Variants in KRT83 observed in about 807,000 individuals in gnomAD.
KRT83 encodes keratin, type II cuticular Hb3.
KRT83 carries 51 observed loss-of-function variants against 52.9 expected under a neutral mutation model. The ratio of observed to expected loss-of-function variants is 0.96; its 90% CI spans 0.77 to 1.22. KRT83 has a LOEUF of 1.22. Ranked by LOEUF, KRT83 falls within the 50% of genes most tolerant of loss-of-function variation. The pLI is 0.00. For missense variants in KRT83, 654 were observed against 666.5 expected (o/e 0.98, Z 0.21); for synonymous variants, 278 against 274.1 (o/e 1.01, Z -0.14).
intron 1 of KRT83, among the ~76,000 whole-genome samples, chr12:52,319,997 G>T (rs4237898): frequency 0.38 from 57,658 of 151,932 alleles, 11,456 homozygotes; most frequent in African/African-American, 0.48. Flanking sequence ...GATCTTCTGC[G>T]CTGCAGGGGG....
At chr12:52,315,462 T>G (rs1480493153) in intron 7 of KRT83, 119 bp from the exon 8 acceptor site, 2 of 1,085,016 alleles carry the variant, frequency 1.8e-6, no homozygotes, top group African/African-American at 3.1e-5. Context: ...ATTTATTCCC[T>G]TGTGCAGCTT....
chr12:52,317,801 AGGCC>A (rs779923045), intron 3 of KRT83, 25 bp from the exon 4 acceptor site: 7 of 1,613,620 alleles, frequency 4.3e-6, no homozygotes, highest in Non-Finnish European at 5.9e-6. Flanking sequence ...AGGGGCTGTG[AGGCC>A]GGCTTTCCTC....
Position 52,317,971 on chromosome 12 carries a change from C to T in KRT83, c.594-1G>A, listed in dbSNP as rs758786488. On this transcript the variant is annotated splice_acceptor_variant, in intron 2 of 8. Coordinates refer to ENST00000293670, the MANE Select transcript of KRT83 (RefSeq NM_002282.3). LOFTEE classifies it high-confidence loss of function. ...TCGAAGTGCTACTTCTTCTTCATAC[C>T]TGAGGTGAGCAGGGAGAACAGGACC... The T allele has an allele frequency of 6.2e-6, 10 of 1,613,726 alleles. No individual in the cohort carries two copies. In the Admixed American group the frequency reaches 1.3e-4, roughly 22 times the overall value.
chr12:52,314,326 G>A lies in KRT83; in HGVS notation c.*305C>T, dbSNP rs1938651673. The A allele has an allele frequency of 2.1e-6, 1 of 481,962 alleles. No individual in the cohort carries two copies. The highest frequency in any genetic ancestry group is 2.1e-5 in the South Asian group (1 of 46,712). The allele number at this position is 481,962 out of a possible 1,614,324, so 29.9% of individuals were successfully genotyped here. A position where few individuals can be genotyped will look rare whatever the true frequency, so the allele number is the denominator to read the frequency against. ...GCAGGTCCCCAAGTTTATTGGAAAA[G>A]GGGAGACAAGAGGCCAGAGAGGCAG... On this transcript the variant is annotated 3_prime_UTR_variant, in exon 9 of 9. Coordinates refer to ENST00000293670, the MANE Select transcript of KRT83 (RefSeq NM_002282.3).
chr12:52,317,393 G>T (rs1415086732), intron 4 of KRT83, among the ~76,000 whole-genome samples: 1 of 152,226 alleles, frequency 6.6e-6, no homozygotes, highest in African/African-American at 2.4e-5. Flanking sequence ...TTGATGCTGT[G>T]TGGGGTCTAT....
intron 2 of KRT83, 139 bp from the exon 3 acceptor site, chr12:52,318,109 G>T: frequency 1.3e-6 from 1 of 792,120 alleles, no homozygotes; most frequent in Non-Finnish European, 2.2e-6. Context: ...GGCTCTGCAG[G>T]AACCAGGCTG....
chr12:52,316,673 T>A, intron 5 of KRT83, 80 bp from the exon 6 acceptor site: 2 of 1,610,574 alleles, frequency 1.2e-6, no homozygotes, highest in Non-Finnish European at 1.7e-6. Context: ...TTGCACAGAT[T>A]GTGCAGTGCT....
Position 52,315,358 on chromosome 12 carries a change from A to C in KRT83, c.1263-15T>G. 1 of 1,613,326 alleles carries C rather than the reference A, an allele frequency of 6.2e-7. No individual in the cohort carries two copies. The highest frequency in any genetic ancestry group is 8.5e-7 in the Non-Finnish European group (1 of 1,179,390). On this transcript the variant is annotated splice_polypyrimidine_tract_variant and intron_variant, in intron 7 of 8. Transcript: ENST00000293670. ...CTTCACACAGCCTGAGTGGGGAAAA[A>C]GTAAGGAAGGGGAAGATAAAAGAAG...
chr12:52,319,302 G>T lies in KRT83; in HGVS notation c.447C>A (p.Arg149=), dbSNP rs754532821. 1 of 1,614,010 alleles carries T rather than the reference G, an allele frequency of 6.2e-7. No individual in the cohort carries two copies. The highest frequency in any genetic ancestry group is 8.5e-7 in the Non-Finnish European group (1 of 1,179,864). The change falls in exon 2 of 9, where the codon CGC becomes CGA. Residue 149 remains arginine, a synonymous_variant. Coordinates refer to ENST00000293670, the MANE Select transcript of KRT83 (RefSeq NM_002282.3). ...LETKLQFYQN[R]ECCQSNLEPL... is the part of the protein sequence containing the mutation. ...GCTCCAGGTTACTCTGGCAGCACTC[G>T]CGGTTTTGGTAGAACTGCAGCTTTG...
chr12:52,320,150 C>T (rs1303004402), intron 1 of KRT83, among the ~76,000 whole-genome samples: 1 of 147,064 alleles, frequency 6.8e-6, no homozygotes, highest in African/African-American at 2.6e-5. Flanking sequence ...GTCTCTCATG[C>T]TATTAGAAAT....
chr12:52,319,161 C>T lies in KRT83; in HGVS notation c.588G>A (p.Lys196=). 1 of 1,613,294 alleles carries T rather than the reference C, an allele frequency of 6.2e-7. No individual in the cohort carries two copies. The highest frequency in any genetic ancestry group is 1.1e-5 in the South Asian group (1 of 91,050). ...CCCCTCCTGCCCACACTCACTTCTT[C>T]TTGTAGCCCTCCAGCACCTCCTGCA... ...NHVQEVLEGY[K]KKYEEEVALR... The change falls in exon 2 of 9, where the codon AAG becomes AAA. Residue 196 remains lysine (K), a synonymous_variant. Coordinates refer to ENST00000293670, the MANE Select transcript of KRT83 (RefSeq NM_002282.3).
At chr12:52,318,073 C>G in intron 2 of KRT83, 103 bp from the exon 3 acceptor site, 1 of 1,068,724 alleles carries the variant, frequency 9.4e-7, no homozygotes, top group Non-Finnish European at 1.4e-6. Flanking sequence ...CCCTGCTTGT[C>G]TCCTGCCCCC....
intron 7 of KRT83, among the ~76,000 whole-genome samples, chr12:52,315,681 G>A (rs1230427967): frequency 6.6e-6 from 1 of 152,222 alleles, no homozygotes; most frequent in Admixed American, 6.5e-5. Flanking sequence ...CAGGGGTGGA[G>A]TTTGGCCAGC....
At position 52,314,653 on chromosome 12, in the gene KRT83, G is replaced by A. The variant is rs765607233; in HGVS notation, c.1460C>T (p.Ser487Phe). 28 of 1,573,128 alleles carry A rather than the reference G, an allele frequency of 1.8e-5. No individual in the cohort carries two copies. The highest frequency in any genetic ancestry group is 5.5e-5 in the Admixed American group (3 of 54,100). ...GQLNTTCGGG[S>F]CGQGRH The stretch of plus-strand genomic sequence containing the variant: ...CACTTAATGCCTCCCCTGGCCGCAG[G>A]AGCCCCCTCCACAGGTGGTGTTCAG... The change falls in exon 9 of 9, where the codon TCC (serine) becomes TTC (phenylalanine). Residue 487 changes from serine to phenylalanine, a missense_variant. By Grantham distance (155) the Ser-to-Phe change is radical (BLOSUM62 -2). Transcript: ENST00000293670.
In KRT83 at chr12:52,321,260, G is replaced by C. The variant is rs1296552196; in HGVS notation, c.76C>G (p.Arg26Gly). The change falls in exon 1 of 9, where the codon CGG becomes GGG. Residue 26 changes from arginine to glycine, a missense_variant. Arg to Gly is a moderately radical substitution (Grantham distance 125). Transcript: ENST00000293670. Reference protein sequence around the residue: ...NFSCVSACGPRPSRCCITAAP... With the variant: ...NFSCVSACGPGPSRCCITAAP... ...GCGGTGATGCAGCAGCGGCTTGGCC[G>C]GGGCCCGCAGGCAGAGACACAGCTG... 4.6e-5 allele frequency: 74 copies of C among 1,613,414 alleles called. No homozygotes were observed. Among genetic ancestry groups the C allele is most frequent in the Non-Finnish European group, 6.3e-5 (74 of 1,179,936 alleles).
chr12:52,314,302 C>A lies in KRT83; in HGVS notation c.*329G>T. On this transcript the variant is annotated 3_prime_UTR_variant, in exon 9 of 9. Coordinates refer to ENST00000293670, the MANE Select transcript of KRT83 (RefSeq NM_002282.3). ...AAGCAAGACATTGCAGCACACAAAG[C>A]AGGTCCCCAAGTTTATTGGAAAAGG... is the stretch of plus-strand genomic sequence containing the variant. 2.5e-6 allele frequency: 1 copy of A among 394,226 alleles called. No individual in the cohort carries two copies. The highest frequency in any genetic ancestry group is 2.3e-5 in the South Asian group (1 of 43,832). 24.4% of individuals were successfully genotyped at this position (394,226 alleles called of 1,614,324 possible).
chr12:52,315,887 A>G lies in KRT83; in HGVS notation c.1262+6T>C. On this transcript the variant is annotated splice_donor_region_variant and intron_variant, in intron 7 of 8. Coordinates refer to ENST00000293670, the MANE Select transcript of KRT83 (RefSeq NM_002282.3). Reference sequence around the variant, plus strand: ...AGTGGAGTGCTTAGGGCTGGGTTGGACCCACCTCTGCTCCTCGCCCTCCAG... The same window carrying G: ...AGTGGAGTGCTTAGGGCTGGGTTGGGCCCACCTCTGCTCCTCGCCCTCCAG... The G allele has an allele frequency of 6.2e-7, 1 of 1,612,274 alleles. No individual in the cohort carries two copies.
intron 4 of KRT83, 87 bp from the exon 5 acceptor site, chr12:52,317,110 G>T: frequency 6.4e-7 from 1 of 1,554,818 alleles, no homozygotes; most frequent in Non-Finnish European, 8.9e-7. Flanking sequence ...GGCTCATCGG[G>T]AGTGAACTTC....
intron 4 of KRT83, 102 bp downstream of exon 4, chr12:52,317,579 G>C (rs1592447242): frequency 7.6e-7 from 1 of 1,323,314 alleles, no homozygotes; most frequent in East Asian, 2.3e-5. Context: ...GTGAGCCTGG[G>C]TTCATATGTC....
Sources: allele counts gnomAD v4.1 joint callset (sites outside exome capture counted in the v4.1 genomes callset), GRCh38; gene constraint gnomAD v4.1.1; transcripts MANE v1.5; gene names NCBI Gene and HGNC (gene_info 2026-07-23, HGNC 2026-07-21).